Variants in PRKG1 observed in about 807,000 individuals in gnomAD.
The protein encoded by PRKG1 is cGMP-dependent protein kinase 1.
Under a neutral mutation model 88.1 loss-of-function variants are expected in PRKG1, and 35 were observed. The observed-to-expected ratio is 0.40, with a 90% CI of 0.30 to 0.53. The LOEUF is 0.53. Among genes scored for constraint, PRKG1 ranks in the 20% least tolerant of loss-of-function variants. PRKG1 has a pLI of 0.59. For missense variants in PRKG1, 540 were observed against 839.8 expected, an observed-to-expected ratio of 0.64 and a Z score of 4.41; for synonymous variants, 303 against 292.5, an observed-to-expected ratio of 1.04 and a Z score of -0.37.
intron 5 of PRKG1, among the ~76,000 whole-genome samples, chr10:51,973,278 AG>A (rs1843752625): frequency 6.6e-6 from 1 of 152,174 alleles, no homozygotes; most frequent in Admixed American, 6.5e-5. Flanking sequence ...GCTGTTACTC[AG>A]CAGTCTGTTT....
chr10:51,060,078 A>G (rs1843676995), intron 1 of PRKG1, among the ~76,000 whole-genome samples: 2 of 152,148 alleles, frequency 1.3e-5, no homozygotes, highest in Non-Finnish European at 2.9e-5. Context: ...TTTTAACTCT[A>G]GTAACACTGA....
intron 1 of PRKG1, among the ~76,000 whole-genome samples, chr10:51,132,932 T>C (rs1308072338): frequency 6.6e-6 from 1 of 152,030 alleles, no homozygotes; most frequent in Non-Finnish European, 1.5e-5. Flanking sequence ...ATAATTATGA[T>C]TTGTTAATCA....
At chr10:51,531,403 CG>C (rs985754943) in intron 3 of PRKG1, among the ~76,000 whole-genome samples, 2 of 152,096 alleles carry the variant, frequency 1.3e-5, no homozygotes, top group Non-Finnish European at 2.9e-5. Context: ...ACTGAAGCTC[CG>C]GTTGTAGAAT....
chr10:51,267,305 C>A (rs1431374136), intron 2 of PRKG1, among the ~76,000 whole-genome samples: 1 of 151,850 alleles, frequency 6.6e-6, no homozygotes, highest in African/African-American at 2.4e-5. Flanking sequence ...ATTTTGTGAC[C>A]CGATTTTTGT....
intron 2 of PRKG1, among the ~76,000 whole-genome samples, chr10:51,298,173 G>A (rs188317206): frequency 4.2e-4 from 64 of 152,186 alleles, no homozygotes; most frequent in Middle Eastern, 3.4e-3. Flanking sequence ...TTCATGATTA[G>A]GGATATTAAT....
intron 4 of PRKG1, among the ~76,000 whole-genome samples, chr10:51,822,813 A>G (rs1218781282): frequency 6.6e-6 from 1 of 152,108 alleles, no homozygotes; most frequent in Non-Finnish European, 1.5e-5. Flanking sequence ...GGACAACTTT[A>G]AGATGTATGT....
intron 6 of PRKG1, among the ~76,000 whole-genome samples, chr10:52,055,138 A>T (rs925595581): frequency 9.2e-5 from 14 of 152,218 alleles, no homozygotes; most frequent in African/African-American, 3.4e-4. Context: ...TTTGCCTCCA[A>T]AAAAAGAGAA....
In PRKG1 at chr10:51,302,203, G is replaced by A. The variant is rs550693993; in HGVS notation, c.478+148873G>A. 3.9e-5 allele frequency among the ~76,000 whole-genome samples: 6 copies of A among 152,314 alleles called. No individual in the cohort carries two copies. In the South Asian group the frequency reaches 1.2e-3, roughly 32 times the overall value. On this transcript the variant is annotated intron_variant, in intron 2 of 17. Coordinates refer to ENST00000373980, the MANE Select transcript of PRKG1 (RefSeq NM_006258.4). ...TTGACACCTGTTGATTGACTGGTAC[G>A]TTAATTAATGTAGGGCCTTATAAGC...
chr10:51,983,401 T>C (rs952136657), intron 5 of PRKG1, among the ~76,000 whole-genome samples: 10 of 152,138 alleles, frequency 6.6e-5, no homozygotes, highest in Non-Finnish European at 1.3e-4. Context: ...TCTCTACCAG[T>C]CAGGCATAGT....
intron 9 of PRKG1, among the ~76,000 whole-genome samples, chr10:52,250,445 A>G (rs1480234994): frequency 1.3e-5 from 2 of 152,182 alleles, no homozygotes; most frequent in Non-Finnish European, 1.5e-5. Flanking sequence ...GTTTGATGGT[A>G]ATGGAATAGC....
At chr10:51,484,707 C>T (rs551197910) in intron 3 of PRKG1, among the ~76,000 whole-genome samples, 83 of 152,180 alleles carry the variant, frequency 5.5e-4, no homozygotes, top group Non-Finnish European at 9.7e-4. Flanking sequence ...CTAGTTAACC[C>T]TAGAGTGCTA....
intron 1 of PRKG1, among the ~76,000 whole-genome samples, chr10:51,040,271 T>TGTGTGA (rs1230148963): frequency 7.1e-6 from 1 of 140,672 alleles, no homozygotes; most frequent in Non-Finnish European, 1.6e-5. Context: ...TGTGTGTGTG[T>TGTGTGA]GACCTCTTTA....
At chr10:51,329,629 C>T (rs1168359031) in intron 2 of PRKG1, among the ~76,000 whole-genome samples, 1 of 152,174 alleles carries the variant, frequency 6.6e-6, no homozygotes, top group Non-Finnish European at 1.5e-5. Flanking sequence ...TGAACCCCCT[C>T]AACTTTTGTT....
chr10:51,358,916 A>G (rs994277673), intron 2 of PRKG1, among the ~76,000 whole-genome samples: 1 of 133,424 alleles, frequency 7.5e-6, no homozygotes, highest in Non-Finnish European at 1.6e-5. Context: ...TTAGTTTTAT[A>G]AATAAAACGT....
chr10:51,822,105 A>G (rs1433450429), intron 4 of PRKG1, among the ~76,000 whole-genome samples: 4 of 152,056 alleles, frequency 2.6e-5, no homozygotes, highest in African/African-American at 9.7e-5. Context: ...ACACACATAT[A>G]TATATACACA....
At chr10:51,284,116 G>A (rs544542539) in intron 2 of PRKG1, among the ~76,000 whole-genome samples, 1 of 152,112 alleles carries the variant, frequency 6.6e-6, no homozygotes, top group African/African-American at 2.4e-5. Context: ...TCTATTCCAG[G>A]TAGCAAGAAA....
At chr10:52,111,833 T>A (rs1847571504) in intron 7 of PRKG1, among the ~76,000 whole-genome samples, 1 of 152,202 alleles carries the variant, frequency 6.6e-6, no homozygotes, top group African/African-American at 2.4e-5. Context: ...TTGGGCTCTG[T>A]TTATCATCTC....
intron 3 of PRKG1, among the ~76,000 whole-genome samples, chr10:51,749,210 A>G (rs1304678022): frequency 2.0e-5 from 3 of 152,212 alleles, no homozygotes; most frequent in Non-Finnish European, 2.9e-5. Context: ...CTATGAGAAA[A>G]TGCTTAAGTT....
chr10:52,230,363 T>C (rs1180129582), intron 9 of PRKG1, among the ~76,000 whole-genome samples: 1 of 152,208 alleles, frequency 6.6e-6, no homozygotes, highest in Non-Finnish European at 1.5e-5. Context: ...AAAAACTCCA[T>C]GAAAAATAAT....
Sources: allele counts gnomAD v4.1 joint callset (sites outside exome capture counted in the v4.1 genomes callset), GRCh38; gene constraint gnomAD v4.1.1; transcripts MANE v1.5; gene names NCBI Gene and HGNC (gene_info 2026-07-23, HGNC 2026-07-21).